The following FHIT variants were observed in gnomAD, a reference collection of about 807,000 sequenced individuals.
The protein encoded by FHIT is fragile histidine triad diadenosine triphosphatase, also known as bis(5'-adenosyl)-triphosphatase.
Under a neutral mutation model 17.9 loss-of-function variants are expected in FHIT, and 19 were observed. The ratio of observed to expected loss-of-function variants is 1.06; its 90% CI spans 0.74 to 1.56. The LOEUF is 1.56. Among genes scored for constraint, FHIT ranks in the 40% most tolerant of loss-of-function variants. FHIT has a pLI of 0.00. For synonymous variants in FHIT, 81 were observed against 69.7 expected (o/e 1.16, Z -0.81); for missense variants, 248 against 189.2 (o/e 1.31, Z -1.82).
intron 4 of FHIT, among the ~76,000 whole-genome samples, chr3:60,708,585 C>A (rs1285667548): frequency 1.1e-4 from 16 of 152,112 alleles, no homozygotes; most frequent in African/African-American, 3.4e-4. Flanking sequence ...CTTTTACCTC[C>A]CTGGTGGCTT....
intron 5 of FHIT, among the ~76,000 whole-genome samples, chr3:60,202,459 C>G (rs1044868179): frequency 1.3e-5 from 2 of 152,158 alleles, no homozygotes; most frequent in Non-Finnish European, 2.9e-5. Flanking sequence ...AGCACACATC[C>G]TTTGTCACGG....
intron 3 of FHIT, among the ~76,000 whole-genome samples, chr3:60,980,790 G>T (rs1256269561): frequency 2.0e-5 from 3 of 152,070 alleles, no homozygotes; most frequent in Admixed American, 2.0e-4. Flanking sequence ...CTGACTTCAT[G>T]ACTCCTTTTA....
intron 3 of FHIT, among the ~76,000 whole-genome samples, chr3:60,851,938 C>A (rs1703171910): frequency 6.6e-6 from 1 of 152,094 alleles, no homozygotes; most frequent in Non-Finnish European, 1.5e-5. Flanking sequence ...CTATAAGTGT[C>A]ACGATGATAA....
intron 4 of FHIT, among the ~76,000 whole-genome samples, chr3:60,807,875 C>G (rs1425635495): frequency 2.6e-5 from 4 of 151,830 alleles, no homozygotes; most frequent in African/African-American, 7.3e-5. Flanking sequence ...AAAAAAGAGG[C>G]TAAGATAAAG....
At chr3:61,180,023 C>A (rs2038289720) in intron 2 of FHIT, among the ~76,000 whole-genome samples, 1 of 152,108 alleles carries the variant, frequency 6.6e-6, no homozygotes, top group Non-Finnish European at 1.5e-5. Context: ...GCTAACTAGA[C>A]CAAGAAGAAA....
At chr3:60,607,560 G>A (rs1453874931) in intron 4 of FHIT, among the ~76,000 whole-genome samples, 6 of 151,932 alleles carry the variant, frequency 3.9e-5, no homozygotes, top group Admixed American at 1.3e-4. Context: ...GGTAGCAGAG[G>A]TGTTGAACAT....
rs567754160 is a variant in FHIT at position 60,228,829 on chromosome 3, T to G, written c.104-214677A>C. On this transcript the variant is annotated intron_variant, in intron 5 of 9. Coordinates refer to ENST00000492590, the MANE Select transcript of FHIT (RefSeq NM_002012.4). ...TGTCTGCAGAATGAAGGGGACTGGT[T>G]CCCTACATGAGCATCCCATAAATTT... Among the ~76,000 whole-genome samples the G allele has an allele frequency of 6.6e-5, 10 of 152,272 alleles. No homozygotes were observed. In the South Asian group the frequency reaches 2.1e-3, roughly 32 times the overall value.
intron 4 of FHIT, among the ~76,000 whole-genome samples, chr3:60,570,018 C>T (rs1448591017): frequency 6.6e-6 from 1 of 152,050 alleles, no homozygotes; most frequent in Non-Finnish European, 1.5e-5. Flanking sequence ...GTTTTCATCA[C>T]TGCCTAGGGA....
At chr3:60,184,924 T>C (rs976353245) in intron 5 of FHIT, among the ~76,000 whole-genome samples, 1 of 152,218 alleles carries the variant, frequency 6.6e-6, no homozygotes, top group Non-Finnish European at 1.5e-5. Context: ...GGGAACTCCT[T>C]GAGTTGGCTC....
intron 1 of FHIT, among the ~76,000 whole-genome samples, chr3:61,240,978 C>T (rs1360813041): frequency 6.6e-6 from 1 of 152,158 alleles, no homozygotes; most frequent in African/African-American, 2.4e-5. Context: ...TCCAGGCAGG[C>T]CAACAAAGTG....
At chr3:60,559,761 T>C (rs542090337) in intron 4 of FHIT, among the ~76,000 whole-genome samples, 1 of 61,204 alleles carries the variant, frequency 1.6e-5, no homozygotes, top group Non-Finnish European at 3.6e-5. Flanking sequence ...ATGTCCCTCT[T>C]ACGGGCACTT....
chr3:60,221,489 C>A (rs1703956516), intron 5 of FHIT, among the ~76,000 whole-genome samples: 1 of 152,118 alleles, frequency 6.6e-6, no homozygotes, highest in Non-Finnish European at 1.5e-5. Context: ...AATATCAGAT[C>A]GTATCACATT....
At chr3:59,853,226 G>A (rs570388783) in intron 8 of FHIT, among the ~76,000 whole-genome samples, 1 of 152,280 alleles carries the variant, frequency 6.6e-6, no homozygotes, top group South Asian at 2.1e-4. Flanking sequence ...TAATAAGTGT[G>A]TGGTGGTATC....
intron 4 of FHIT, among the ~76,000 whole-genome samples, chr3:60,644,191 A>G (rs1484884994): frequency 6.6e-6 from 1 of 152,218 alleles, no homozygotes; most frequent in African/African-American, 2.4e-5. Flanking sequence ...CAGGTACTAC[A>G]AGACTGAAAA....
chr3:60,009,032 T>A (rs2106667558), intron 7 of FHIT, among the ~76,000 whole-genome samples: 1 of 152,364 alleles, frequency 6.6e-6, no homozygotes, highest in African/African-American at 2.4e-5. Flanking sequence ...TTGTTGTTGT[T>A]AACTGATACC....
chr3:60,067,716 G>A (rs1440217858), intron 5 of FHIT, among the ~76,000 whole-genome samples: 1 of 152,052 alleles, frequency 6.6e-6, no homozygotes, highest in Non-Finnish European at 1.5e-5. Context: ...CAAGTGTTGT[G>A]GTATACTGGG....
At chr3:61,164,005 G>A (rs768431701) in intron 2 of FHIT, among the ~76,000 whole-genome samples, 2 of 152,058 alleles carry the variant, frequency 1.3e-5, no homozygotes, top group Non-Finnish European at 2.9e-5. Flanking sequence ...AACAAATTGG[G>A]CTATGAATAT....
At chr3:60,759,747 C>T (rs1407492049) in intron 4 of FHIT, among the ~76,000 whole-genome samples, 1 of 152,108 alleles carries the variant, frequency 6.6e-6, no homozygotes, top group Non-Finnish European at 1.5e-5. Flanking sequence ...ATGGATTTGG[C>T]AACCAAGGGG....
intron 5 of FHIT, chr3:60,077,303 G>A (rs1329831671): frequency 5.3e-5 from 8 of 151,808 alleles, no homozygotes; most frequent in South Asian, 2.1e-4. Context: ...AAATACACAC[G>A]CATGTATTGC....
Sources: allele counts gnomAD v4.1 joint callset (sites outside exome capture counted in the v4.1 genomes callset), GRCh38; gene constraint gnomAD v4.1.1; transcripts MANE v1.5; gene names NCBI Gene and HGNC (gene_info 2026-07-23, HGNC 2026-07-21).